Variants in LIPC observed in about 807,000 individuals in gnomAD.
LIPC encodes the protein lipase C, hepatic type, also known as hepatic triacylglycerol lipase.
In LIPC, 44 loss-of-function variants were observed where a neutral mutation model predicts 50.7. The observed-to-expected ratio is 0.87, with a 90% CI of 0.68 to 1.11. The LOEUF is 1.11. Among genes scored for constraint, LIPC ranks in the 50% most tolerant of loss-of-function variants. LIPC has a pLI of 0.00. For synonymous variants in LIPC, 271 were observed against 256.4 expected, an observed-to-expected ratio of 1.06 and a Z score of -0.54; for missense variants, 697 against 648.2, an observed-to-expected ratio of 1.08 and a Z score of -0.82.
chr15:58,560,462 G>A (rs1269899546), intron 6 of LIPC, among the ~76,000 whole-genome samples: 3 of 152,122 alleles, frequency 2.0e-5, no homozygotes, highest in Non-Finnish European at 4.4e-5. Flanking sequence ...AAATGGCAAT[G>A]TGTTCTCTCT....
chr15:58,494,911 A>G (rs1465337213), intron 1 of LIPC: 2 of 455,788 alleles, frequency 4.4e-6, no homozygotes, highest in Admixed American at 2.4e-5. Context: ...ACAAAATTAA[A>G]TATTAGTCCA....
chr15:58,491,602 A>G (rs1397698333), intron 1 of LIPC, among the ~76,000 whole-genome samples: 1 of 152,174 alleles, frequency 6.6e-6, no homozygotes, highest in African/African-American at 2.4e-5. Flanking sequence ...TCTCTGCCAA[A>G]TACTGGTGCC....
chr15:58,489,906 G>C (rs1278688148), intron 1 of LIPC, among the ~76,000 whole-genome samples: 1 of 152,160 alleles, frequency 6.6e-6, no homozygotes, highest in African/African-American at 2.4e-5. Context: ...ACCAAGGACA[G>C]CTTGGAGGTT....
intron 1 of LIPC, among the ~76,000 whole-genome samples, chr15:58,504,039 G>A (rs956439419): frequency 4.6e-5 from 7 of 152,158 alleles, no homozygotes; most frequent in Non-Finnish European, 8.8e-5. Flanking sequence ...TTTCCAAGTG[G>A]AGAAAACAAA....
At chr15:58,444,322 G>T (rs1595851782) in intron 1 of LIPC, among the ~76,000 whole-genome samples, 1 of 152,192 alleles carries the variant, frequency 6.6e-6, no homozygotes, top group African/African-American at 2.4e-5. Context: ...CAAACGACCA[G>T]TGTGGCTCTC....
intron 4 of LIPC, among the ~76,000 whole-genome samples, chr15:58,545,165 T>C (rs1893478397): frequency 6.6e-6 from 1 of 152,216 alleles, no homozygotes; most frequent in African/African-American, 2.4e-5. Context: ...AAACAGATGG[T>C]CTTGAAAGTA....
intron 1 of LIPC, among the ~76,000 whole-genome samples, chr15:58,443,371 G>C (rs2140649163): frequency 6.6e-6 from 1 of 152,270 alleles, no homozygotes; most frequent in Admixed American, 6.5e-5. Flanking sequence ...ATGAAGCCCT[G>C]GACCCCTCAC....
intron 1 of LIPC, among the ~76,000 whole-genome samples, chr15:58,482,608 G>A (rs1398595284): frequency 6.6e-6 from 1 of 152,102 alleles, no homozygotes; most frequent in African/African-American, 2.4e-5. Flanking sequence ...AAATTTCTGG[G>A]CACCAGCACC....
chr15:58,467,260 G>A (rs12148268), intron 1 of LIPC, among the ~76,000 whole-genome samples: 56,701 of 151,940 alleles, frequency 0.37, 11,681 homozygotes, highest in South Asian at 0.5. Context: ...CTGACCGTAG[G>A]CTCTTGTTCA....
chr15:58,492,400 T>A (rs188027680), intron 1 of LIPC, among the ~76,000 whole-genome samples: 7 of 152,350 alleles, frequency 4.6e-5, no homozygotes, highest in Non-Finnish European at 7.3e-5. Flanking sequence ...AAACACATTA[T>A]AAAGCTGTAA....
intron 1 of LIPC, among the ~76,000 whole-genome samples, chr15:58,531,172 G>A (rs1440743889): frequency 1.3e-5 from 2 of 152,174 alleles, no homozygotes. Flanking sequence ...ATTCTAAAGG[G>A]AGAGAAGTGA....
chr15:58,559,715 A>AC (rs1555407248), intron 6 of LIPC, among the ~76,000 whole-genome samples: 73,140 of 144,852 alleles, frequency 0.5, 18,958 homozygotes, highest in East Asian at 0.83. Flanking sequence ...AAAAAAAAAA[A>AC]AAAAAAAAAA....
intron 1 of LIPC, among the ~76,000 whole-genome samples, chr15:58,481,730 C>T (rs1340951668): frequency 6.6e-6 from 1 of 152,166 alleles, no homozygotes; most frequent in South Asian, 2.1e-4. Flanking sequence ...ACCTGGGAGG[C>T]AGAGGTTACG....
chr15:58,435,367 G>C (rs555089198), intron 1 of LIPC: 1 of 152,210 alleles, frequency 6.6e-6, no homozygotes, highest in South Asian at 2.1e-4. Context: ...ATCCTAAGGC[G>C]ATCTCCCTGG....
intron 1 of LIPC, among the ~76,000 whole-genome samples, chr15:58,451,251 T>C (rs1893890120): frequency 6.6e-6 from 1 of 152,056 alleles, no homozygotes; most frequent in South Asian, 2.1e-4. Flanking sequence ...TATTTGGAGA[T>C]ACGAAAAAGG....
intron 6 of LIPC, among the ~76,000 whole-genome samples, chr15:58,557,391 T>TTTTC (rs1398764024): frequency 8.0e-6 from 1 of 124,262 alleles, no homozygotes; most frequent in Non-Finnish European, 1.7e-5. Context: ...TTTTTTTTTT[T>TTTTC]TTTTTTTTTT....
chr15:58,523,582 A>T (rs996610739), intron 1 of LIPC, among the ~76,000 whole-genome samples: 1 of 149,286 alleles, frequency 6.7e-6, no homozygotes, highest in Non-Finnish European at 1.5e-5. Context: ...GTTATCATGG[A>T]AAGTGCAAGC....
chr15:58,520,678 G>A (rs1477033397), intron 1 of LIPC, among the ~76,000 whole-genome samples: 3 of 152,202 alleles, frequency 2.0e-5, no homozygotes, highest in African/African-American at 7.2e-5. Flanking sequence ...GAGGTTGAGA[G>A]CCGCTGTATA....
At chr15:58,475,686 C>G (rs1595881301) in intron 1 of LIPC, among the ~76,000 whole-genome samples, 3 of 152,346 alleles carry the variant, frequency 2.0e-5, no homozygotes, top group East Asian at 3.9e-4. Context: ...GAATAAGTGG[C>G]TTCCTGAGCC....
Sources: allele counts gnomAD v4.1 joint callset (sites outside exome capture counted in the v4.1 genomes callset), GRCh38; gene constraint gnomAD v4.1.1; transcripts MANE v1.5; gene names NCBI Gene and HGNC (gene_info 2026-07-23, HGNC 2026-07-21).